The following UBE2K variants were observed in gnomAD, a reference collection of about 807,000 sequenced individuals.
The protein encoded by UBE2K is ubiquitin-conjugating enzyme E2 K.
UBE2K carries 6 observed loss-of-function variants against 30.0 expected under a neutral mutation model. The observed-to-expected ratio is 0.20, with a 90% confidence interval of 0.11 to 0.39. The LOEUF (loss-of-function observed/expected upper bound fraction) is 0.39. UBE2K is among the 10% of genes least tolerant of loss of function. The pLI, the probability that UBE2K is intolerant of heterozygous loss-of-function variation, is 1.00. For synonymous variants in UBE2K, 86 were observed against 83.7 expected (o/e 1.03, Z -0.15); for missense variants, 61 against 241.6 (o/e 0.25, Z 4.96).
rs1578520793 is a variant in UBE2K at position 39,780,717 on chromosome 4, G to A, written c.*2283G>A. The A allele has an allele frequency of 6.6e-6, 1 of 151,606 alleles. No individual in the cohort carries two copies. 9.4% of individuals were successfully genotyped at this position (151,606 alleles called of 1,614,324 possible). The stretch of plus-strand genomic sequence containing the variant: ...TTTCCTTTCTGGTATATTTCCCACT[G>A]TACTGTTTGGTTTTTGTTATTCTCT... On this transcript the variant is annotated 3_prime_UTR_variant, in exon 7 of 7. Transcript: ENST00000261427.
chr4:39,700,954 G>GTATT (rs1416399014), intron 1 of UBE2K, among the ~76,000 whole-genome samples: 1 of 149,180 alleles, frequency 6.7e-6, no homozygotes, highest in African/African-American at 2.6e-5. Context: ...GGGCATGTGT[G>GTATT]TATTTGCCTG....
chr4:39,773,838 G>A (rs458130), intron 4 of UBE2K, among the ~76,000 whole-genome samples: 23,612 of 149,544 alleles, frequency 0.16, 3,365 homozygotes, highest in African/African-American at 0.39. Flanking sequence ...GGAGAATAGC[G>A]TGAACCCGGG....
intron 6 of UBE2K, 137 bp from the exon 7 acceptor site, chr4:39,778,223 T>C: frequency 2.3e-6 from 1 of 439,084 alleles, no homozygotes; most frequent in Non-Finnish European, 3.9e-6. Flanking sequence ...TTTTAGAAGC[T>C]TTCCATGCAC....
rs563465043 is a variant in UBE2K at position 39,781,507 on chromosome 4, G to T, written c.*3073G>T. ...GAGGCTGCTTAATAAGTTTACCAAT[G>T]TGAAAAGCAGATCTTGGGTATAAGT... On this transcript the variant is annotated 3_prime_UTR_variant, in exon 7 of 7. Transcript: ENST00000261427. The T allele has an allele frequency of 1.3e-5, 2 of 156,558 alleles. No homozygotes were observed. Among genetic ancestry groups the T allele is most frequent in the Admixed American group, 6.5e-5 (1 of 15,400 alleles). 9.7% of individuals were successfully genotyped at this position (156,558 alleles called of 1,614,324 possible).
intron 4 of UBE2K, chr4:39,770,418 A>G (rs1284011845): frequency 6.2e-7 from 1 of 1,612,676 alleles, no homozygotes; most frequent in South Asian, 1.1e-5. Flanking sequence ...GTGGAAGACC[A>G]GCTTCTCCAC....
At chr4:39,774,745 C>G (rs546907748) in intron 4 of UBE2K, 89 bp from the exon 5 acceptor site, 2 of 649,186 alleles carry the variant, frequency 3.1e-6, no homozygotes, top group South Asian at 1.1e-4. Context: ...ACTTTTAGCT[C>G]TACAATTTTT....
rs1454934613 is a variant in UBE2K, at chr4:39,781,758, C to T, written c.*3324C>T. Reference sequence around the variant, plus strand: ...CGTCTGTTTACAGTTAACTTTATTTCATGGACTTCTACAAAATGTTGTATT... The same window carrying T: ...CGTCTGTTTACAGTTAACTTTATTTTATGGACTTCTACAAAATGTTGTATT... On this transcript the variant is annotated 3_prime_UTR_variant, in exon 7 of 7. Transcript: ENST00000261427. 3 of 393,948 alleles carry T rather than the reference C, an allele frequency of 7.6e-6. No homozygotes were observed. In the East Asian group the frequency reaches 1.1e-4, roughly 14 times the overall value. 24.4% of individuals were successfully genotyped at this position (393,948 alleles called of 1,614,324 possible). A position where few individuals can be genotyped will look rare whatever the true frequency, so the allele number is the denominator to read the frequency against.
At position 39,753,692 on chromosome 4, in the gene UBE2K, A is replaced by G. The variant is rs369599543; in HGVS notation, c.217-1965A>G. Among the ~76,000 whole-genome samples, 4 of 152,342 alleles carry G rather than the reference A, an allele frequency of 2.6e-5. No homozygotes were observed. In the South Asian group the frequency reaches 8.3e-4, roughly 32 times the overall value. On this transcript the variant is annotated intron_variant, in intron 3 of 6. Transcript: ENST00000261427. ...AGTTGGGAGAAGAGGGCACAGAGGT[A>G]TGTTATTGAGAAAACAAATATGTAT...
At chr4:39,738,403 AG>A (rs1720494694) in intron 2 of UBE2K, among the ~76,000 whole-genome samples, 2 of 152,258 alleles carry the variant, frequency 1.3e-5, no homozygotes. Flanking sequence ...CACAACTGAT[AG>A]CCTTTGTCTT....
intron 1 of UBE2K, among the ~76,000 whole-genome samples, chr4:39,716,499 T>C (rs935532932): frequency 6.6e-6 from 1 of 152,168 alleles, no homozygotes; most frequent in Non-Finnish European, 1.5e-5. Context: ...TCCATGCGCC[T>C]TAGCCGCCCA....
chr4:39,743,958 G>A (rs570980436), intron 2 of UBE2K, among the ~76,000 whole-genome samples: 1 of 152,264 alleles, frequency 6.6e-6, no homozygotes, highest in East Asian at 1.9e-4. Flanking sequence ...CACCTCCTGG[G>A]TTCAAGCGAT....
intron 5 of UBE2K, among the ~76,000 whole-genome samples, chr4:39,777,472 TTTA>T (rs768236010): frequency 3.3e-5 from 5 of 152,242 alleles, no homozygotes; most frequent in Non-Finnish European, 7.3e-5. Context: ...GTTACTTGTC[TTTA>T]TTATTGTCAA....
intron 1 of UBE2K, among the ~76,000 whole-genome samples, chr4:39,727,892 G>C (rs897203573): frequency 6.6e-6 from 1 of 152,132 alleles, no homozygotes; most frequent in African/African-American, 2.4e-5. Flanking sequence ...AGCACTTTGG[G>C]AGGCTGAGGC....
intron 4 of UBE2K, chr4:39,771,335 C>T (rs1712815148): frequency 2.5e-6 from 4 of 1,612,534 alleles, no homozygotes; most frequent in Middle Eastern, 1.7e-4. Flanking sequence ...ACAATGGTCA[C>T]GTCGCAGAAC....
chr4:39,747,056 G>A (rs1232787406), intron 3 of UBE2K, among the ~76,000 whole-genome samples: 1 of 152,122 alleles, frequency 6.6e-6, no homozygotes, highest in Admixed American at 6.6e-5. Context: ...CAACCTATTG[G>A]TTGTTCCAGT....
At chr4:39,729,867 C>T (rs1034577661) in intron 1 of UBE2K, among the ~76,000 whole-genome samples, 10 of 152,226 alleles carry the variant, frequency 6.6e-5, no homozygotes, top group African/African-American at 2.4e-4. Flanking sequence ...TAAGTGCTGG[C>T]TTTTCCTAAA....
intron 1 of UBE2K, among the ~76,000 whole-genome samples, chr4:39,732,338 A>G (rs1041886543): frequency 2.0e-5 from 3 of 152,326 alleles, no homozygotes; most frequent in African/African-American, 7.2e-5. Flanking sequence ...AAAATCTTCC[A>G]GTGTTTAGTT....
chr4:39,778,447 T>G lies in UBE2K; in HGVS notation c.*13T>G, dbSNP rs746114221. ...TCTGAGTAACTGAGGCATAGAGAGCTGCTGATATAGTCAAGCTTGCCTCTT... is the reference window on the plus strand; with the variant it reads ...TCTGAGTAACTGAGGCATAGAGAGCGGCTGATATAGTCAAGCTTGCCTCTT... On this transcript the variant is annotated 3_prime_UTR_variant, in exon 7 of 7. Coordinates refer to ENST00000261427, the MANE Select transcript of UBE2K (RefSeq NM_005339.5). 6.3e-7 allele frequency: 1 copy of G among 1,584,822 alleles called. No individual in the cohort carries two copies. The highest frequency in any genetic ancestry group is 1.7e-5 in the Admixed American group (1 of 58,998).
At position 39,781,237 on chromosome 4, in the gene UBE2K, T is replaced by C. The variant is rs1163277682; in HGVS notation, c.*2803T>C. 6.6e-6 allele frequency: 1 copy of C among 152,272 alleles called. No individual in the cohort carries two copies. The highest frequency in any genetic ancestry group is 1.9e-4 in the East Asian group (1 of 5,190). 9.4% of individuals were successfully genotyped at this position (152,272 alleles called of 1,614,324 possible). ...TTTGGAATCACGACTATGATTTACTTAAACACGTAACACATTCAAGGATAT... is the reference window on the plus strand; with the variant it reads ...TTTGGAATCACGACTATGATTTACTCAAACACGTAACACATTCAAGGATAT... On this transcript the variant is annotated 3_prime_UTR_variant, in exon 7 of 7. Transcript: ENST00000261427.
Sources: allele counts gnomAD v4.1 joint callset (sites outside exome capture counted in the v4.1 genomes callset), GRCh38; gene constraint gnomAD v4.1.1; transcripts MANE v1.5; gene names NCBI Gene and HGNC (gene_info 2026-07-23, HGNC 2026-07-21).